The following CLCN1 variants were observed in gnomAD, a reference collection of about 807,000 sequenced individuals.
CLCN1 encodes chloride voltage-gated channel 1, also known as chloride channel protein 1.
A neutral mutation model predicts 114.5 loss-of-function variants in CLCN1; 100 were observed. The ratio of observed to expected loss-of-function variants is 0.87; its 90% confidence interval spans 0.74 to 1.03. The LOEUF is 1.03. Among genes scored for constraint, CLCN1 ranks in the 50% least tolerant of loss-of-function variants. The pLI, the probability that CLCN1 is intolerant of heterozygous loss-of-function variation, is 0.00. For synonymous variants in CLCN1, 485 were observed against 487.1 expected (o/e 1.00, Z 0.06); for missense variants, 1,188 against 1,250.0 (o/e 0.95, Z 0.75).
intron 20 of CLCN1, among the ~76,000 whole-genome samples, chr7:143,349,079 A>G (rs1803327136): frequency 1.3e-5 from 2 of 152,354 alleles, no homozygotes; most frequent in Middle Eastern, 3.4e-3. Flanking sequence ...ATTCACTGAA[A>G]ATGTTGCCGC....
chr7:143,336,471 G>A (rs556618942), intron 12 of CLCN1, among the ~76,000 whole-genome samples: 12 of 151,838 alleles, frequency 7.9e-5, no homozygotes, highest in Non-Finnish European at 1.3e-4. Context: ...TTACCTGGGC[G>A]TGGTGGCAGG....
In CLCN1 at chr7:143,316,176, C is replaced by A. The variant is rs143197630; in HGVS notation, c.-37C>A. 6.4e-7 allele frequency: 1 copy of A among 1,565,736 alleles called. No homozygotes were observed. The highest frequency in any genetic ancestry group is 1.7e-5 in the Admixed American group (1 of 59,854). ...ACACTGGGGGAAGGACAGGGGCAAG[C>A]AGGCCAAGGCCTGGCCGGGGCTCGG... is the stretch of plus-strand genomic sequence containing the variant. On this transcript the variant is annotated 5_prime_UTR_variant, in exon 1 of 23. Coordinates refer to ENST00000343257, the MANE Select transcript of CLCN1 (RefSeq NM_000083.3).
chr7:143,345,616 G>A lies in CLCN1; in HGVS notation c.2026G>A (p.Glu676Lys). 6.4e-7 allele frequency: 1 copy of A among 1,559,220 alleles called. No homozygotes were observed. Among genetic ancestry groups the A allele is most frequent in the African/African-American group, 1.4e-5 (1 of 73,666 alleles). ...CPERRLRAAQ[E>K]MARKLSELPY... ...TGAGCGCAGGCTGCGCGCAGCCCAA[G>A]AGATGGCGCGGAAGTTGTCGGAGCT... The change falls in exon 17 of 23, where the codon GAG becomes AAG. Residue 676 changes from glutamate (E) to lysine (K), a missense_variant. Physicochemically the swap from Glu to Lys is moderately conservative, Grantham distance 56 (BLOSUM62 1). Transcript: ENST00000343257.
chr7:143,351,308 G>T (rs1803392790), intron 22 of CLCN1, among the ~76,000 whole-genome samples: 1 of 152,188 alleles, frequency 6.6e-6, no homozygotes, highest in Admixed American at 6.5e-5. Flanking sequence ...AAAAAAGGCA[G>T]TGGGGGGATG....
rs150332460 is a variant in CLCN1, at chr7:143,328,861, A to G, written c.854-1911A>G. ...TTCTCTTCTGTTCTCTTCTTTCCTC[A>G]TCCTGTCCTTTCCTCTCCTCCCCTG... On this transcript the variant is annotated intron_variant, in intron 7 of 22. Transcript: ENST00000343257. 4.5e-3 allele frequency among the ~76,000 whole-genome samples: 676 copies of G among 151,522 alleles called. 2 individuals are homozygous for G. Among genetic ancestry groups the G allele is most frequent in the Non-Finnish European group, 6.2e-3 (423 of 67,936 alleles).
At chr7:143,320,557 C>CTG in intron 2 of CLCN1, 107 bp from the exon 3 acceptor site, 3 of 351,774 alleles carry the variant, frequency 8.5e-6, no homozygotes, top group African/African-American at 2.3e-5. Flanking sequence ...CTGCTTTTCT[C>CTG]TCTCTCTCTC....
chr7:143,323,243 TC>T (rs1802487863), intron 5 of CLCN1, 65 bp from the exon 6 acceptor site: 1 of 857,198 alleles, frequency 1.2e-6, no homozygotes, highest in African/African-American at 1.7e-5. Context: ...ATATTATTAG[TC>T]CAGTGAGTGC....
intron 18 of CLCN1, 38 bp downstream of exon 18, chr7:143,346,289 G>C (rs773719562): frequency 2.9e-6 from 4 of 1,375,916 alleles, no homozygotes; most frequent in Non-Finnish European, 4.1e-6. Context: ...CTCACCCCTT[G>C]TGGGTTCTCT....
In CLCN1 at chr7:143,321,475, A is replaced by G. The variant is rs969430772; in HGVS notation, c.544A>G (p.Ile182Val). 32 of 1,613,402 alleles carry G rather than the reference A, an allele frequency of 2.0e-5. No individual in the cohort carries two copies. The African/African-American group carries it at 3.8e-4, about 19-fold the overall frequency. ...ILFSALFCHLISPQAVGSGIP... is the reference protein window; with the variant it reads ...ILFSALFCHLVSPQAVGSGIP... ...CTTCAGCGCCCTCTTCTGCCACCTC[A>G]TCTCTCCCCAGGCTGTTGGTGAGAA... Residue 182 changes from isoleucine (I) to valine (V), a missense_variant, in exon 4 of 23, where the codon ATC becomes GTC. Coordinates refer to ENST00000343257, the MANE Select transcript of CLCN1 (RefSeq NM_000083.3). The surrounding 1 kb of genome is among the most constrained non-coding windows in gnomAD (Gnocchi z 4.2).
chr7:143,342,278 T>C (rs1208552698), intron 15 of CLCN1, 94 bp from the exon 16 acceptor site: 20 of 1,520,728 alleles, frequency 1.3e-5, no homozygotes, highest in Non-Finnish European at 1.6e-5. Flanking sequence ...CTAGTAGATA[T>C]TGTGAGTGAC....
chr7:143,319,655 A>C, intron 1 of CLCN1, 100 bp from the exon 2 acceptor site: 1 of 1,310,226 alleles, frequency 7.6e-7, no homozygotes, highest in Non-Finnish European at 1.1e-6. Flanking sequence ...GAATTCAAAA[A>C]GCTGTTGTTC....
chr7:143,317,855 G>A (rs565184282), intron 1 of CLCN1, among the ~76,000 whole-genome samples: 14 of 152,224 alleles, frequency 9.2e-5, no homozygotes, highest in African/African-American at 3.1e-4. Flanking sequence ...ATCAGCAGGA[G>A]GGAAGACCCC....
In CLCN1 at chr7:143,316,236, G is replaced by C; in HGVS notation, c.24G>C (p.Gln8His). ...ATATGGAGCAATCCCGGTCACAGCA[G>C]CGTGGGGGTGAACAAAGCTGGTGGG... is the stretch of plus-strand genomic sequence containing the variant. MEQSRSQ[Q>H]RGGEQSWWGS... The change falls in exon 1 of 23, where the codon CAG (glutamine) becomes CAC (histidine). Residue 8 changes from glutamine (Q) to histidine (H), a missense_variant. By Grantham distance (24) the Gln-to-His change is conservative. Coordinates refer to ENST00000343257, the MANE Select transcript of CLCN1 (RefSeq NM_000083.3). 1.2e-6 allele frequency: 2 copies of C among 1,613,684 alleles called. No individual in the cohort carries two copies. The highest frequency in any genetic ancestry group is 1.7e-6 in the Non-Finnish European group (2 of 1,179,764).
At position 143,350,633 on chromosome 7, in the gene CLCN1, G is replaced by A. The variant is rs1408287528; in HGVS notation, c.2574G>A (p.Arg858=). Residue 858 remains arginine, a synonymous_variant, in exon 22 of 23, where the codon AGG becomes AGA. Transcript: ENST00000343257. The surrounding 1 kb of genome is among the most constrained non-coding windows in gnomAD (Gnocchi z 5.1). Reference sequence around the variant, plus strand: ...ACGTGACCAGCATGGGGAAGCTCAGGGGCGTCCTGGCCCTGGAGGAGGTAA... The same window carrying A: ...ACGTGACCAGCATGGGGAAGCTCAGAGGCGTCCTGGCCCTGGAGGAGGTAA... ...LAYVTSMGKL[R]GVLALEELQK... 1 of 1,614,016 alleles carries A rather than the reference G, an allele frequency of 6.2e-7. No individual in the cohort carries two copies. Among genetic ancestry groups the A allele is most frequent in the African/African-American group, 1.3e-5 (1 of 74,912 alleles).
chr7:143,320,553 T>TTG, intron 2 of CLCN1, 111 bp from the exon 3 acceptor site: 1 of 672,510 alleles, frequency 1.5e-6, no homozygotes, highest in South Asian at 1.6e-5. Flanking sequence ...TTAGCTGCTT[T>TTG]TCTCTCTCTC....
Position 143,321,920 on chromosome 7 carries a change from G to T in CLCN1, c.696+72G>T. On this transcript the variant is annotated intron_variant, in intron 5 of 22. Coordinates refer to ENST00000343257, the MANE Select transcript of CLCN1 (RefSeq NM_000083.3). This position sits in a 1 kb window ranked among gnomAD's most constrained non-coding sequence, Gnocchi z 4.2. Reference sequence around the variant, plus strand: ...GCCAGGGTGGCACCAACTCTAGAGGGAGCTCTGGGAGTGGAAGTGGATCAG... The same window carrying T: ...GCCAGGGTGGCACCAACTCTAGAGGTAGCTCTGGGAGTGGAAGTGGATCAG... The T allele has an allele frequency of 6.5e-7, 1 of 1,541,854 alleles. No individual in the cohort carries two copies.
In CLCN1 at chr7:143,321,742, T is replaced by C. The variant is rs1050437727; in HGVS notation, c.590T>C (p.Ile197Thr). 1 of 1,614,242 alleles carries C rather than the reference T, an allele frequency of 6.2e-7. No individual in the cohort carries two copies. The highest frequency in any genetic ancestry group is 1.3e-5 in the African/African-American group (1 of 75,068). The part of the protein sequence containing the change: ...VGSGIPEMKT[I>T]LRGVVLKEYL... ...TCTGGAATCCCCGAAATGAAGACAA[T>C]ACTTCGTGGGGTTGTCCTGAAGGAA... Residue 197 changes from isoleucine to threonine, a missense_variant, in exon 5 of 23, where the codon ATA becomes ACA. By Grantham distance (89) the Ile-to-Thr change is moderately conservative. Coordinates refer to ENST00000343257, the MANE Select transcript of CLCN1 (RefSeq NM_000083.3). This position sits in a 1 kb window ranked among gnomAD's most constrained non-coding sequence, Gnocchi z 4.2.
intron 2 of CLCN1, 54 bp from the exon 3 acceptor site, chr7:143,320,610 T>C: frequency 6.7e-7 from 1 of 1,488,298 alleles, no homozygotes; most frequent in Non-Finnish European, 9.3e-7. Flanking sequence ...TATATTTTTG[T>C]TTGTTTGTTT....
chr7:143,342,004 T>C lies in CLCN1; in HGVS notation c.1658T>C (p.Ile553Thr), dbSNP rs1332302928. The C allele has an allele frequency of 6.2e-7, 1 of 1,614,210 alleles. No homozygotes were observed. Residue 553 changes from isoleucine to threonine, a missense_variant, in exon 15 of 23, where the codon ATT (isoleucine) becomes ACT (threonine). Coordinates refer to ENST00000343257, the MANE Select transcript of CLCN1 (RefSeq NM_000083.3). ...AVICFELTGQ[I>T]AHILPMMVAV... ...ATTTGCTTCGAATTAACGGGTCAGA[T>C]TGCTCACATCCTGCCCATGATGGTG...
Sources: gnomAD v4.1 joint callset for allele counts (sites outside exome capture counted in the v4.1 genomes callset) on GRCh38, gnomAD v4.1.1 for gene constraint, Gnocchi (gnomAD v3.1) non-coding constraint, MANE v1.5 for transcripts, NCBI Gene and HGNC (gene_info 2026-07-23, HGNC 2026-07-21) for gene names.